The following HDAC9 variants were observed in gnomAD, a reference collection of about 807,000 sequenced individuals.
HDAC9 encodes histone deacetylase 9.
In HDAC9, 41 loss-of-function variants were observed where a neutral mutation model predicts 139.4. The ratio of observed to expected loss-of-function variants is 0.29; its 90% CI spans 0.23 to 0.38. The LOEUF (loss-of-function observed/expected upper bound fraction) is 0.38, where lower values mean the gene tolerates loss of function less well. HDAC9 is among the 10% of genes least tolerant of loss of function. The probability of loss-of-function intolerance (pLI) is 1.00; values close to 1 mark genes in which losing one functional copy is unlikely to be tolerated. For missense variants in HDAC9, 1,147 were observed against 1,297.0 expected, an observed-to-expected ratio of 0.88 and a Z score of 1.78; for synonymous variants, 517 against 476.2, an observed-to-expected ratio of 1.09 and a Z score of -1.12.
chr7:18,456,505 G>A (rs1793366205), intron 1 of HDAC9, among the ~76,000 whole-genome samples: 1 of 152,082 alleles, frequency 6.6e-6, no homozygotes, highest in Non-Finnish European at 1.5e-5. Flanking sequence ...AAAGTGCTGG[G>A]ATTACAGGTG....
chr7:18,520,780 G>A (rs1454924753), intron 2 of HDAC9, among the ~76,000 whole-genome samples: 2 of 152,206 alleles, frequency 1.3e-5, no homozygotes. Context: ...CACCAAGCAA[G>A]AGGGTTTATG....
At chr7:18,617,030 C>T (rs1457910595) in intron 6 of HDAC9, among the ~76,000 whole-genome samples, 1 of 152,202 alleles carries the variant, frequency 6.6e-6, no homozygotes, top group African/African-American at 2.4e-5. Flanking sequence ...CCAGAAATCT[C>T]AGAACCACAC....
At chr7:18,268,345 C>G (rs1045319416) in intron 2 of HDAC9, among the ~76,000 whole-genome samples, 7 of 151,906 alleles carry the variant, frequency 4.6e-5, no homozygotes, top group African/African-American at 9.7e-5. Context: ...TTCTCATATA[C>G]CTGTAATATT....
chr7:18,374,391 TAGAG>T (rs1241052955), intron 1 of HDAC9, among the ~76,000 whole-genome samples: 1 of 151,988 alleles, frequency 6.6e-6, no homozygotes. Flanking sequence ...GTGAACATCT[TAGAG>T]AGCACTTACA....
At chr7:18,983,915 T>G (rs1044999313) in intron 25 of HDAC9, among the ~76,000 whole-genome samples, 2 of 152,114 alleles carry the variant, frequency 1.3e-5, no homozygotes, top group Non-Finnish European at 2.9e-5. Flanking sequence ...TCCTCTACCT[T>G]CTTCCACCAA....
intron 23 of HDAC9, among the ~76,000 whole-genome samples, chr7:18,948,498 C>G (rs1782561896): frequency 6.6e-6 from 1 of 152,014 alleles, no homozygotes; most frequent in African/African-American, 2.4e-5. Context: ...TTTTATGTAA[C>G]CAGTTATCGT....
chr7:18,519,623 A>T (rs1363881663), intron 2 of HDAC9, among the ~76,000 whole-genome samples: 1 of 152,104 alleles, frequency 6.6e-6, no homozygotes, highest in African/African-American at 2.4e-5. Context: ...TGTGGTTTGG[A>T]GGAAAGGGGT....
chr7:18,239,953 G>GT (rs34044255), intron 2 of HDAC9, among the ~76,000 whole-genome samples: 37,202 of 132,854 alleles, frequency 0.28, 5,340 homozygotes, highest in South Asian at 0.41. Flanking sequence ...GGTGCTGCAT[G>GT]TTTTTTTTTT....
At chr7:18,294,196 C>G (rs560264225) in intron 1 of HDAC9, among the ~76,000 whole-genome samples, 2 of 152,188 alleles carry the variant, frequency 1.3e-5, no homozygotes, top group African/African-American at 4.8e-5. Context: ...AAAATATATT[C>G]TAACTACATT....
intron 1 of HDAC9, among the ~76,000 whole-genome samples, chr7:18,329,149 A>G (rs1800701457): frequency 6.6e-6 from 1 of 151,622 alleles, no homozygotes; most frequent in Non-Finnish European, 1.5e-5. Context: ...CAGTTGTAAC[A>G]TCTCCTTTTT....
intron 2 of HDAC9, among the ~76,000 whole-genome samples, chr7:18,537,268 A>T: frequency 6.6e-6 from 1 of 152,352 alleles, no homozygotes; most frequent in East Asian, 1.9e-4. Flanking sequence ...TGGAAGAAAC[A>T]TATCTGTTAT....
At chr7:18,318,394 C>T (rs1328886330) in intron 1 of HDAC9, among the ~76,000 whole-genome samples, 1 of 152,146 alleles carries the variant, frequency 6.6e-6, no homozygotes, top group Non-Finnish European at 1.5e-5. Flanking sequence ...TTACTGTTTT[C>T]AATAACAAAT....
chr7:18,450,163 A>T (rs1487501004), intron 1 of HDAC9, among the ~76,000 whole-genome samples: 1 of 152,202 alleles, frequency 6.6e-6, no homozygotes, highest in Non-Finnish European at 1.5e-5. Context: ...TGTGGAATGA[A>T]TTAATGTTTT....
intron 1 of HDAC9, among the ~76,000 whole-genome samples, chr7:18,129,645 G>T (rs944833377): frequency 7.2e-5 from 11 of 152,130 alleles, no homozygotes; most frequent in Non-Finnish European, 1.2e-4. Flanking sequence ...TCTGTAGCTT[G>T]TGCAGTCTTG....
chr7:18,098,417 CT>C (rs1274782716), intron 1 of HDAC9, among the ~76,000 whole-genome samples: 1 of 152,124 alleles, frequency 6.6e-6, no homozygotes, highest in Non-Finnish European at 1.5e-5. Flanking sequence ...AGCAGAAATA[CT>C]TTAGAATTTT....
intron 1 of HDAC9, among the ~76,000 whole-genome samples, chr7:18,475,952 G>C (rs2128123879): frequency 6.6e-6 from 1 of 152,242 alleles, no homozygotes; most frequent in Middle Eastern, 3.4e-3. Flanking sequence ...AACCATATGT[G>C]ACTTTTTATG....
In HDAC9 at chr7:18,495,894, T is replaced by A. The variant is rs1304718932; in HGVS notation, c.-171T>A. The stretch of plus-strand genomic sequence containing the variant: ...TTTTTCTCGTGGGTAGACTTAATAA[T>A]TTTCTACGTATTCTGACAAAGAAAT... On this transcript the variant is annotated 5_prime_UTR_variant, in exon 1 of 26. Coordinates refer to ENST00000686413, the MANE Select transcript of HDAC9 (RefSeq NM_178425.4). The A allele has an allele frequency of 8.6e-7, 1 of 1,168,556 alleles. No individual in the cohort carries two copies. The highest frequency in any genetic ancestry group is 1.1e-6 in the Non-Finnish European group (1 of 948,622). The allele number at this position is 1,168,556 out of a possible 1,614,324, so 72.4% of individuals were successfully genotyped here.
chr7:18,718,703 G>C (rs1363513812), intron 12 of HDAC9, among the ~76,000 whole-genome samples: 1 of 152,002 alleles, frequency 6.6e-6, no homozygotes, highest in Non-Finnish European at 1.5e-5. Flanking sequence ...TTTGTACTTT[G>C]GGCTTTCACG....
intron 2 of HDAC9, among the ~76,000 whole-genome samples, chr7:18,565,214 T>G (rs899726994): frequency 1.3e-5 from 2 of 152,122 alleles, no homozygotes; most frequent in Non-Finnish European, 2.9e-5. Flanking sequence ...CAGGCTGATC[T>G]CAAACTGCCA....
Sources: gnomAD v4.1 joint callset for allele counts (sites outside exome capture counted in the v4.1 genomes callset) on GRCh38, gnomAD v4.1.1 for gene constraint, MANE v1.5 for transcripts, NCBI Gene and HGNC (gene_info 2026-07-23, HGNC 2026-07-21) for gene names.